Variants in SBF2 observed in about 807,000 individuals in gnomAD.
The protein encoded by SBF2 is SET binding factor 2, also known as myotubularin-related protein 13.
In SBF2, 112 loss-of-function variants were observed where a neutral mutation model predicts 225.2. The observed-to-expected ratio is 0.50, with a 90% confidence interval of 0.43 to 0.58. The LOEUF is 0.58. SBF2 is among the 20% of genes least tolerant of loss of function. The pLI is 0.00. For synonymous variants in SBF2, 763 were observed against 773.3 expected, an observed-to-expected ratio of 0.99 and a Z score of 0.22; for missense variants, 1,996 against 2,206.2, an observed-to-expected ratio of 0.90 and a Z score of 1.91.
At chr11:10,213,398 C>A (rs116874650) in intron 1 of SBF2, among the ~76,000 whole-genome samples, 2 of 152,298 alleles carry the variant, frequency 1.3e-5, no homozygotes, top group East Asian at 3.9e-4. Context: ...CCACTCCTAG[C>A]TGCTTCAGCA....
chr11:9,967,997 T>C (rs1867077953), intron 14 of SBF2, among the ~76,000 whole-genome samples: 1 of 146,862 alleles, frequency 6.8e-6, no homozygotes, highest in South Asian at 2.1e-4. Flanking sequence ...ATATAAAATA[T>C]ATATATATTC....
intron 2 of SBF2, among the ~76,000 whole-genome samples, chr11:10,048,450 T>G (rs1452588491): frequency 6.6e-6 from 1 of 152,196 alleles, no homozygotes; most frequent in Non-Finnish European, 1.5e-5. Flanking sequence ...GCTGTATTCT[T>G]TATAGCTGCA....
chr11:10,080,037 C>T (rs946265374), intron 2 of SBF2, among the ~76,000 whole-genome samples: 10 of 151,926 alleles, frequency 6.6e-5, no homozygotes, highest in Middle Eastern at 3.2e-3. Flanking sequence ...CACCTGAGGT[C>T]AGGAGTTTGA....
At chr11:9,855,793 G>C (rs1045752501) in intron 19 of SBF2, among the ~76,000 whole-genome samples, 3 of 152,218 alleles carry the variant, frequency 2.0e-5, no homozygotes, top group Non-Finnish European at 4.4e-5. Flanking sequence ...CATTTGAGCA[G>C]AGACCTAAAT....
chr11:10,061,979 C>T (rs1404082487), intron 2 of SBF2, among the ~76,000 whole-genome samples: 2 of 152,110 alleles, frequency 1.3e-5, no homozygotes. Context: ...TAGCATGGTA[C>T]TGGTACAAGC....
rs142109104 is a variant in SBF2 at position 10,116,502 on chromosome 11, A to G, written c.142-73521T>C. 6.2e-3 allele frequency among the ~76,000 whole-genome samples: 946 copies of G among 152,308 alleles called. 5 individuals carry two copies. Among genetic ancestry groups the G allele is most frequent in the Admixed American group, 0.013 (198 of 15,308 alleles). On this transcript the variant is annotated intron_variant, in intron 2 of 39. Transcript: ENST00000256190. ...TCTAAATTTTTCAAAAATAATTGAT[A>G]TATTATTTTTCTAAAACATTGCTTT...
intron 2 of SBF2, among the ~76,000 whole-genome samples, chr11:10,165,686 T>C (rs940095372): frequency 6.6e-6 from 1 of 152,198 alleles, no homozygotes; most frequent in Non-Finnish European, 1.5e-5. Flanking sequence ...CTTAGTATAA[T>C]GTACTTAAAT....
intron 27 of SBF2, among the ~76,000 whole-genome samples, chr11:9,830,494 C>T (rs901213000): frequency 3.3e-5 from 5 of 152,108 alleles, no homozygotes; most frequent in African/African-American, 9.7e-5. Context: ...AATCCCAGCA[C>T]TTAGGAAGGC....
At chr11:10,168,941 C>T (rs1169203410) in intron 2 of SBF2, among the ~76,000 whole-genome samples, 1 of 152,172 alleles carries the variant, frequency 6.6e-6, no homozygotes, top group Non-Finnish European at 1.5e-5. Context: ...GTTTAATACT[C>T]TTTCCAAAGT....
chr11:9,832,262 A>G lies in SBF2; in HGVS notation c.3614T>C (p.Val1205Ala), dbSNP rs755024164. The G allele has an allele frequency of 6.2e-7, 1 of 1,613,782 alleles. No individual in the cohort carries two copies. Among genetic ancestry groups the G allele is most frequent in the Admixed American group, 1.7e-5 (1 of 59,970 alleles). Reference protein sequence around the residue: ...LRSGGFHGKGVVGLFKSQNSP... With the variant: ...LRSGGFHGKGAVGLFKSQNSP... ...GTTCTGAGATTTGAAAAGACCAACG[A>G]CTCCCTTCCCATGGAATCCTCCAGA... The change falls in exon 27 of 40, where the codon GTC becomes GCC. Residue 1205 changes from valine to alanine, a missense_variant. Coordinates refer to ENST00000256190, the MANE Select transcript of SBF2 (RefSeq NM_030962.4).
intron 26 of SBF2, among the ~76,000 whole-genome samples, chr11:9,834,441 C>T (rs1044833511): frequency 3.3e-5 from 5 of 152,202 alleles, no homozygotes; most frequent in Non-Finnish European, 7.3e-5. Context: ...CCACCACTAT[C>T]CATTTCCAGA....
chr11:10,108,483 A>G (rs907195782), intron 2 of SBF2, among the ~76,000 whole-genome samples: 2 of 151,826 alleles, frequency 1.3e-5, no homozygotes, highest in African/African-American at 4.8e-5. Flanking sequence ...AGAACCTCAA[A>G]GAAGGCTGCA....
At chr11:9,933,952 G>C (rs1864692628) in intron 16 of SBF2, among the ~76,000 whole-genome samples, 2 of 152,068 alleles carry the variant, frequency 1.3e-5, no homozygotes, top group Admixed American at 6.6e-5. Flanking sequence ...GAATCAAACA[G>C]ATGCAATAAA....
In SBF2 at chr11:9,981,149, T is replaced by C. The variant is rs1372217433; in HGVS notation, c.1395+8348A>G. 2.0e-5 allele frequency among the ~76,000 whole-genome samples: 3 copies of C among 152,360 alleles called. 1 individual carries two copies. Among genetic ancestry groups the C allele is most frequent in the African/African-American group, 7.2e-5 (3 of 41,592 alleles). On this transcript the variant is annotated intron_variant, in intron 13 of 39. Coordinates refer to ENST00000256190, the MANE Select transcript of SBF2 (RefSeq NM_030962.4). Reference sequence around the variant, plus strand: ...AATCCAGTGTCCAAAAAGGTCCATCTAGTCAAATCACTAAATTAAACAATA... The same window carrying C: ...AATCCAGTGTCCAAAAAGGTCCATCCAGTCAAATCACTAAATTAAACAATA...
intron 2 of SBF2, among the ~76,000 whole-genome samples, chr11:10,061,377 A>G (rs1252194826): frequency 1.3e-5 from 2 of 152,224 alleles, no homozygotes; most frequent in African/African-American, 4.8e-5. Context: ...AAGGACATCC[A>G]AATAGGAAGA....
intron 2 of SBF2, among the ~76,000 whole-genome samples, chr11:10,074,510 A>G (rs1309159629): frequency 1.3e-5 from 2 of 152,202 alleles, no homozygotes; most frequent in Admixed American, 1.3e-4. Flanking sequence ...CTGACTTTTC[A>G]TTCTGCAGAT....
intron 1 of SBF2, among the ~76,000 whole-genome samples, chr11:10,196,455 C>T (rs547138729): frequency 6.6e-6 from 1 of 152,186 alleles, no homozygotes; most frequent in South Asian, 2.1e-4. Flanking sequence ...TCATCGCTCA[C>T]CGCAGCCTTG....
intron 27 of SBF2, chr11:9,829,705 C>A: frequency 1.9e-6 from 1 of 533,362 alleles, no homozygotes. Flanking sequence ...TTTTACCACA[C>A]CTACTTCTTG....
At chr11:9,811,122 T>C (rs1005239420) in intron 30 of SBF2, 10 of 152,202 alleles carry the variant, frequency 6.6e-5, no homozygotes, top group Admixed American at 6.5e-4. Flanking sequence ...TTCTCACTTA[T>C]AAGTGGGAGC....
Sources: gnomAD v4.1 joint callset for allele counts (sites outside exome capture counted in the v4.1 genomes callset) on GRCh38, gnomAD v4.1.1 for gene constraint, MANE v1.5 for transcripts, NCBI Gene and HGNC (gene_info 2026-07-23, HGNC 2026-07-21) for gene names.